PTPRG: variants seen among roughly 807,000 people sequenced by gnomAD.
PTPRG encodes protein tyrosine phosphatase receptor type G.
In PTPRG, 102 loss-of-function variants were observed where a neutral mutation model predicts 165.3. The ratio of observed to expected loss-of-function variants is 0.62; its 90% CI spans 0.53 to 0.73. PTPRG has a LOEUF of 0.73. Ranked by LOEUF, PTPRG falls within the 30% of genes least tolerant of loss-of-function variation. The pLI, the probability that PTPRG is intolerant of heterozygous loss-of-function variation, is 0.00. For missense variants in PTPRG, 1,866 were observed against 1,861.4 expected, an observed-to-expected ratio of 1.00 and a Z score of -0.05; for synonymous variants, 675 against 669.5, an observed-to-expected ratio of 1.01 and a Z score of -0.13.
At chr3:61,795,810 T>C (rs923829558) in intron 2 of PTPRG, among the ~76,000 whole-genome samples, 1 of 152,160 alleles carries the variant, frequency 6.6e-6, no homozygotes, top group Non-Finnish European at 1.5e-5. Context: ...ACTTTGTATA[T>C]ACTGTGTCTC....
chr3:61,846,123 C>T (rs2036798770), intron 2 of PTPRG, among the ~76,000 whole-genome samples: 1 of 152,208 alleles, frequency 6.6e-6, no homozygotes, highest in Non-Finnish European at 1.5e-5. Flanking sequence ...TAAAGAAGAT[C>T]TGCCTAAAGC....
chr3:61,655,221 C>T (rs79220174), intron 1 of PTPRG, among the ~76,000 whole-genome samples: 1,867 of 152,252 alleles, frequency 0.012, 28 homozygotes, highest in African/African-American at 0.042. Context: ...ACAGTGCTGC[C>T]TCTCAATGAC....
intron 4 of PTPRG, among the ~76,000 whole-genome samples, chr3:62,041,965 T>G (rs1306822709): frequency 1.3e-5 from 2 of 152,222 alleles, no homozygotes; most frequent in African/African-American, 2.4e-5. Context: ...ATAATCATCC[T>G]TGTTTAATGA....
At chr3:61,846,304 T>TCCGAG (rs1182825000) in intron 2 of PTPRG, among the ~76,000 whole-genome samples, 1 of 152,202 alleles carries the variant, frequency 6.6e-6, no homozygotes. Flanking sequence ...GAGTGATGAA[T>TCCGAG]TGTCTTCCTA....
At chr3:61,938,361 T>C (rs1422578833) in intron 2 of PTPRG, among the ~76,000 whole-genome samples, 1 of 152,098 alleles carries the variant, frequency 6.6e-6, no homozygotes, top group East Asian at 1.9e-4. Flanking sequence ...ATTTGCACCA[T>C]CTTATCCTGC....
chr3:62,288,877 A>T (rs1702770636), intron 28 of PTPRG, among the ~76,000 whole-genome samples: 1 of 152,154 alleles, frequency 6.6e-6, no homozygotes, highest in South Asian at 2.1e-4. Context: ...GACTACATGA[A>T]TGCTACTGTA....
chr3:62,223,876 G>A (rs955972004), intron 13 of PTPRG, among the ~76,000 whole-genome samples: 1 of 152,102 alleles, frequency 6.6e-6, no homozygotes, highest in South Asian at 2.1e-4. Flanking sequence ...TATGTCCATT[G>A]CATACAACAT....
chr3:62,082,562 A>T (rs967391485), intron 5 of PTPRG, among the ~76,000 whole-genome samples: 2 of 152,102 alleles, frequency 1.3e-5, no homozygotes, highest in Non-Finnish European at 2.9e-5. Context: ...CTTTGGAGGG[A>T]GTGTGTGTTC....
intron 1 of PTPRG, among the ~76,000 whole-genome samples, chr3:61,599,927 G>C (rs186937865): frequency 0.012 from 1,804 of 152,168 alleles, 9 homozygotes; most frequent in Non-Finnish European, 0.018. Flanking sequence ...GGGAAGCTGA[G>C]GCAGGCTGAT....
intron 1 of PTPRG, among the ~76,000 whole-genome samples, chr3:61,633,023 C>A (rs540346872): frequency 6.6e-6 from 1 of 152,316 alleles, no homozygotes; most frequent in African/African-American, 2.4e-5. Context: ...AGAGTCATCC[C>A]CACCATCCTT....
chr3:62,093,001 C>T (rs140345265), intron 5 of PTPRG, among the ~76,000 whole-genome samples: 1 of 152,180 alleles, frequency 6.6e-6, no homozygotes, highest in African/African-American at 2.4e-5. Context: ...AAACAACTTT[C>T]CTCAATCATG....
intron 2 of PTPRG, among the ~76,000 whole-genome samples, chr3:61,781,066 A>G (rs1267434692): frequency 6.6e-6 from 1 of 152,244 alleles, no homozygotes; most frequent in Admixed American, 6.5e-5. Flanking sequence ...ACTTGAGAGT[A>G]TCTGCCAAAA....
intron 2 of PTPRG, among the ~76,000 whole-genome samples, chr3:61,799,069 A>C (rs2035152993): frequency 6.6e-6 from 1 of 152,154 alleles, no homozygotes; most frequent in Non-Finnish European, 1.5e-5. Flanking sequence ...ATAGAACTCT[A>C]CTATTTTCAT....
chr3:61,632,546 G>T (rs771257438), intron 1 of PTPRG, among the ~76,000 whole-genome samples: 36 of 152,168 alleles, frequency 2.4e-4, no homozygotes, highest in Admixed American at 2.6e-4. Context: ...ATGAGATCAG[G>T]CACGTTCAGG....
chr3:62,286,456 A>AATAAGTAAAT (rs1483124252), intron 28 of PTPRG, among the ~76,000 whole-genome samples: 1 of 152,184 alleles, frequency 6.6e-6, no homozygotes, highest in African/African-American at 2.4e-5. Flanking sequence ...AAGCTACAAT[A>AATAAGTAAAT]ATAAGTAAAT....
intron 1 of PTPRG, among the ~76,000 whole-genome samples, chr3:61,662,492 C>A (rs1702693661): frequency 1.3e-5 from 2 of 152,186 alleles, no homozygotes; most frequent in African/African-American, 4.8e-5. Flanking sequence ...GAACCTGAGC[C>A]AGAAGCAAGC....
chr3:62,112,925 G>T (rs1410426989), intron 5 of PTPRG, among the ~76,000 whole-genome samples: 1 of 152,126 alleles, frequency 6.6e-6, no homozygotes, highest in African/African-American at 2.4e-5. Flanking sequence ...GGTCACTTTG[G>T]GGTGTATGTC....
chr3:61,753,891 C>T (rs369345767), intron 2 of PTPRG, among the ~76,000 whole-genome samples: 5 of 152,116 alleles, frequency 3.3e-5, no homozygotes, highest in East Asian at 1.9e-4. Flanking sequence ...CCACCACACC[C>T]GGCCAGAGGC....
chr3:61,836,786 C>T (rs531042568), intron 2 of PTPRG, among the ~76,000 whole-genome samples: 1 of 152,008 alleles, frequency 6.6e-6, no homozygotes. Flanking sequence ...TGTCTGTCAC[C>T]CAGGCTGGAG....
Sources: allele counts gnomAD v4.1 joint callset (sites outside exome capture counted in the v4.1 genomes callset), GRCh38; gene constraint gnomAD v4.1.1; transcripts MANE v1.5; gene names NCBI Gene and HGNC (gene_info 2026-07-23, HGNC 2026-07-21).